The following NAA25 variants were observed in gnomAD, a reference collection of about 807,000 sequenced individuals.
NAA25 encodes the protein N-terminal acetyltransferase B complex subunit NAA25.
A neutral mutation model predicts 132.5 loss-of-function variants in NAA25; 30 were observed. The observed-to-expected ratio is 0.23, with a 90% CI of 0.17 to 0.31. The LOEUF is 0.31. NAA25 is among the 10% of genes least tolerant of loss of function. NAA25 has a pLI of 1.00. For synonymous variants in NAA25, 359 were observed against 401.9 expected (o/e 0.89, Z 1.28); for missense variants, 771 against 1,150.4 (o/e 0.67, Z 4.77).
chr12:112,066,911 C>T (rs1305206432), intron 11 of NAA25, among the ~76,000 whole-genome samples: 1 of 152,214 alleles, frequency 6.6e-6, no homozygotes, highest in African/African-American at 2.4e-5. Context: ...ACTGTGCTCC[C>T]AGTGCACTTC....
Position 112,049,135 on chromosome 12 carries a change from T to G in NAA25, c.1729-692A>C, listed in dbSNP as rs2078428170. Reference sequence around the variant, plus strand: ...CTTAAACAAGTATGTGAAGGGAACATTCACCACATGTGCTTTAATTGTAGC... The same window carrying G: ...CTTAAACAAGTATGTGAAGGGAACAGTCACCACATGTGCTTTAATTGTAGC... On this transcript the variant is annotated intron_variant, in intron 15 of 23. Coordinates refer to ENST00000261745, the MANE Select transcript of NAA25 (RefSeq NM_024953.4). This position sits in a 1 kb window ranked among gnomAD's most constrained non-coding sequence, Gnocchi z 4.7. Among the ~76,000 whole-genome samples, 1 of 152,200 alleles carries G rather than the reference T, an allele frequency of 6.6e-6. No homozygotes were observed. The highest frequency in any genetic ancestry group is 6.5e-5 in the Admixed American group (1 of 15,280).
chr12:112,075,880 ATTTTC>A (rs1444776639), intron 7 of NAA25, 91 bp from the exon 8 acceptor site: 2 of 1,062,478 alleles, frequency 1.9e-6, no homozygotes, highest in Non-Finnish European at 2.8e-6. Context: ...AAAATGTCAC[ATTTTC>A]TTTTCTTTTT....
intron 10 of NAA25, among the ~76,000 whole-genome samples, chr12:112,069,870 G>A (rs1361139859): frequency 6.6e-6 from 1 of 151,598 alleles, no homozygotes; most frequent in Non-Finnish European, 1.5e-5. Context: ...GCTCATGTCT[G>A]TAATCCCAGC....
chr12:112,048,864 C>T (rs756859211), intron 15 of NAA25, among the ~76,000 whole-genome samples: 2 of 152,082 alleles, frequency 1.3e-5, no homozygotes, highest in Non-Finnish European at 2.9e-5. Context: ...AATAGAACCA[C>T]CTGCCCCCCG....
intron 1 of NAA25, among the ~76,000 whole-genome samples, chr12:112,106,537 T>C (rs2079363476): frequency 6.6e-6 from 1 of 152,098 alleles, no homozygotes; most frequent in South Asian, 2.1e-4. Context: ...GGCAAGGGCA[T>C]GAGAATATGC....
At chr12:112,052,821 G>A (rs935195121) in intron 15 of NAA25, among the ~76,000 whole-genome samples, 2 of 152,218 alleles carry the variant, frequency 1.3e-5, no homozygotes, top group Non-Finnish European at 1.5e-5. Flanking sequence ...AACTTCAGGC[G>A]ATGAGGCTTA....
At chr12:112,033,107 T>A in intron 23 of NAA25, 126 bp downstream of exon 23, 1 of 1,164,020 alleles carries the variant, frequency 8.6e-7, no homozygotes, top group Non-Finnish European at 1.2e-6. Flanking sequence ...CACCTTCTAG[T>A]CACAAGTCTT....
intron 11 of NAA25, among the ~76,000 whole-genome samples, chr12:112,067,921 G>C (rs1226410926): frequency 6.6e-6 from 1 of 151,760 alleles, no homozygotes; most frequent in Admixed American, 6.6e-5. Context: ...ATTTTTAGTA[G>C]AGACAAGGTT....
rs532989950 is a variant in NAA25, at chr12:112,026,745, T to A, written c.*2786A>T. On this transcript the variant is annotated 3_prime_UTR_variant, in exon 24 of 24. Coordinates refer to ENST00000261745, the MANE Select transcript of NAA25 (RefSeq NM_024953.4). ...TTAACCCATCCAGTTTAAAGTAGAT[T>A]TGCTATGCTTCACTTACTTAAGGAA... The A allele has an allele frequency of 6.6e-6, 1 of 152,330 alleles. No individual in the cohort carries two copies. Among genetic ancestry groups the A allele is most frequent in the African/African-American group, 2.4e-5 (1 of 41,580 alleles). The allele number at this position is 152,330 out of a possible 1,614,324, so 9.4% of individuals were successfully genotyped here. A position where few individuals can be genotyped will look rare whatever the true frequency, so the allele number is the denominator to read the frequency against.
chr12:112,075,927 G>A, intron 7 of NAA25, 138 bp from the exon 8 acceptor site: 1 of 628,666 alleles, frequency 1.6e-6, no homozygotes. Context: ...TTGTCACCCA[G>A]GCTGGAGTGC....
intron 1 of NAA25, among the ~76,000 whole-genome samples, chr12:112,098,382 T>C (rs2079245879): frequency 6.6e-6 from 1 of 152,166 alleles, no homozygotes; most frequent in African/African-American, 2.4e-5. Context: ...TCCCATTTCC[T>C]GGACCTAGGA....
intron 23 of NAA25, among the ~76,000 whole-genome samples, chr12:112,030,038 C>A (rs2078128433): frequency 6.6e-6 from 1 of 151,706 alleles, no homozygotes; most frequent in Non-Finnish European, 1.5e-5. Flanking sequence ...CATGGTGAAA[C>A]CCCATCTCTA....
At chr12:112,029,958 A>G (rs1222692895) in intron 23 of NAA25, among the ~76,000 whole-genome samples, 1 of 152,188 alleles carries the variant, frequency 6.6e-6, no homozygotes, top group Admixed American at 6.5e-5. Context: ...CACGCCTGTA[A>G]TTCCAACACT....
intron 5 of NAA25, 51 bp from the exon 6 acceptor site, chr12:112,078,792 T>G (rs781449026): frequency 2.1e-6 from 3 of 1,429,038 alleles, no homozygotes. Context: ...GCTTGCACTA[T>G]TGATATTAAC....
chr12:112,108,225 C>T (rs887321105), intron 1 of NAA25, among the ~76,000 whole-genome samples: 4 of 152,194 alleles, frequency 2.6e-5, no homozygotes, highest in African/African-American at 7.2e-5. Context: ...TCAGCCCCTT[C>T]CCCACTCCGG....
intron 3 of NAA25, among the ~76,000 whole-genome samples, chr12:112,089,689 G>A (rs2079103894): frequency 6.6e-6 from 1 of 151,982 alleles, no homozygotes; most frequent in Admixed American, 6.6e-5. Flanking sequence ...TAGGTAAAAG[G>A]AGAATTAAGA....
At chr12:112,045,828 CAACTT>C (rs1449796650) in intron 17 of NAA25, among the ~76,000 whole-genome samples, 2 of 151,876 alleles carry the variant, frequency 1.3e-5, no homozygotes, top group African/African-American at 2.4e-5. Flanking sequence ...AATACTTACA[CAACTT>C]AACAATTTTA....
intron 1 of NAA25, among the ~76,000 whole-genome samples, chr12:112,105,088 G>A (rs2079343072): frequency 6.6e-6 from 1 of 151,870 alleles, no homozygotes; most frequent in Admixed American, 6.6e-5. Context: ...GGGAGGCCAA[G>A]GCAGGCAGAT....
rs186555797 is a variant in NAA25, at chr12:112,092,154, T to C, written c.144+897A>G. Among the ~76,000 whole-genome samples, 585 of 152,066 alleles carry C rather than the reference T, an allele frequency of 3.8e-3. 1 individual carries two copies. The highest frequency in any genetic ancestry group is 6.9e-3 in the South Asian group (33 of 4,816). ...TACTCAGGAGGCTGAGGCAGGAGAA[T>C]TGCTTGAACCCAGGAGGCAGAGGTT... On this transcript the variant is annotated intron_variant, in intron 2 of 23. Coordinates refer to ENST00000261745, the MANE Select transcript of NAA25 (RefSeq NM_024953.4).
Sources: allele counts gnomAD v4.1 joint callset (sites outside exome capture counted in the v4.1 genomes callset), GRCh38; gene constraint gnomAD v4.1.1; non-coding constraint Gnocchi (gnomAD v3.1); transcripts MANE v1.5; gene names NCBI Gene and HGNC (gene_info 2026-07-23, HGNC 2026-07-21).